Variants in STAT4 observed in about 807,000 individuals in gnomAD.
The protein encoded by STAT4 is signal transducer and activator of transcription 4.
STAT4 carries 42 observed loss-of-function variants against 110.5 expected under a neutral mutation model. The observed-to-expected ratio is 0.38, with a 90% CI of 0.30 to 0.49. The LOEUF is 0.49. Among genes scored for constraint, STAT4 ranks in the 20% least tolerant of loss-of-function variants. STAT4 has a pLI of 0.95. For missense variants in STAT4, 632 were observed against 887.9 expected (o/e 0.71, Z 3.66); for synonymous variants, 284 against 302.2 (o/e 0.94, Z 0.63).
rs1202503772 is a variant in STAT4 at position 191,107,743 on chromosome 2, A to G, written c.274-31418T>C. Among the ~76,000 whole-genome samples, 1 of 152,220 alleles carries G rather than the reference A, an allele frequency of 6.6e-6. No individual in the cohort carries two copies. The highest frequency in any genetic ancestry group is 1.5e-5 in the Non-Finnish European group (1 of 68,038). On this transcript the variant is annotated intron_variant, in intron 3 of 23. Coordinates refer to ENST00000392320, the MANE Select transcript of STAT4 (RefSeq NM_003151.4). This position sits in a 1 kb window ranked among gnomAD's most constrained non-coding sequence, Gnocchi z 4.2. ...ATTCAGGACATAATTTATTTTTTCAACCCAGATTACTACCATACCTTCCTG... is the reference window on the plus strand; with the variant it reads ...ATTCAGGACATAATTTATTTTTTCAGCCCAGATTACTACCATACCTTCCTG...
Position 191,069,558 on chromosome 2 carries a change from C to T in STAT4, c.544+135G>A, listed in dbSNP as rs933665547. On this transcript the variant is annotated intron_variant, in intron 6 of 23. Coordinates refer to ENST00000392320, the MANE Select transcript of STAT4 (RefSeq NM_003151.4). Reference sequence around the variant, plus strand: ...ATGCAGAGATAAGGAAGAAGCAAAACAAGAAAATACTCCCTGTATTTCCCT... The same window carrying T: ...ATGCAGAGATAAGGAAGAAGCAAAATAAGAAAATACTCCCTGTATTTCCCT... 5.9e-6 allele frequency: 4 copies of T among 682,556 alleles called. No homozygotes were observed. The African/African-American group carries it at 7.3e-5, about 13-fold the overall frequency. 42.3% of individuals were successfully genotyped at this position (682,556 alleles called of 1,614,324 possible).
chr2:191,069,664 G>A, intron 6 of STAT4, 29 bp downstream of exon 6: 1 of 1,549,866 alleles, frequency 6.5e-7, no homozygotes, highest in Non-Finnish European at 8.9e-7. Context: ...TTGTCTCTAT[G>A]CATAATTATA....
intron 3 of STAT4, among the ~76,000 whole-genome samples, chr2:191,111,631 T>C (rs1238077584): frequency 6.6e-6 from 1 of 152,192 alleles, no homozygotes; most frequent in Non-Finnish European, 1.5e-5. Flanking sequence ...GGCATGAAGA[T>C]CTTTTGAAGC....
chr2:191,141,452 CATATATACATAT>C (rs1699324389), intron 3 of STAT4, among the ~76,000 whole-genome samples: 1 of 28,404 alleles, frequency 3.5e-5, no homozygotes, highest in Non-Finnish European at 7.5e-5. Context: ...ATGTATATCA[CATATATACATAT>C]GTATATCACA....
chr2:191,130,221 T>G (rs901072684), intron 3 of STAT4, among the ~76,000 whole-genome samples: 2 of 16,674 alleles, frequency 1.2e-4, no homozygotes, highest in African/African-American at 1.8e-4. Context: ...TCTATCTCCC[T>G]TTTTTTTTTT....
At position 191,148,090 on chromosome 2, in the gene STAT4, A is replaced by G. The variant is rs35500382; in HGVS notation, c.114T>C (p.Ile38=). The part of the protein sequence containing the change: ...MEIRHLLAQW[I]ENQDWEAASN... ...TTTGATCCTACCAGTCTTGATTTTC[A>G]ATCCATTGGGCCAACAGATGCCGAA... is the stretch of plus-strand genomic sequence containing the variant. The change falls in exon 2 of 24, where the codon ATT becomes ATC. Residue 38 remains isoleucine, a synonymous_variant. Coordinates refer to ENST00000392320, the MANE Select transcript of STAT4 (RefSeq NM_003151.4). The G allele has an allele frequency of 5.7e-4, 913 of 1,613,826 alleles. 4 individuals carry two copies. In the African/African-American group the frequency reaches 0.011, roughly 19 times the overall value.
Position 191,064,949 on chromosome 2 carries a change from T to C in STAT4, c.640A>G (p.Ser214Gly), listed in dbSNP as rs145218540. The C allele has an allele frequency of 5.6e-6, 9 of 1,601,084 alleles. No individual in the cohort carries two copies. Among genetic ancestry groups the C allele is most frequent in the Non-Finnish European group, 7.7e-6 (9 of 1,174,686 alleles). ...SLDFKRKEALSKMTQIIHETD... is the reference protein window; with the variant it reads ...SLDFKRKEALGKMTQIIHETD... ...TCATGGATGATTTGGGTCATTTTAC[T>C]GAGAGCCTCCTAAAAACAAAGGGGA... Residue 214 changes from serine (S) to glycine (G), a missense_variant, in exon 8 of 24, where the codon AGT becomes GGT. Physicochemically the swap from Ser to Gly is moderately conservative, Grantham distance 56. Coordinates refer to ENST00000392320, the MANE Select transcript of STAT4 (RefSeq NM_003151.4).
At position 191,066,050 on chromosome 2, in the gene STAT4, A is replaced by C. The variant is rs1464817904; in HGVS notation, c.630+380T>G. On this transcript the variant is annotated intron_variant, in intron 7 of 23. Coordinates refer to ENST00000392320, the MANE Select transcript of STAT4 (RefSeq NM_003151.4). This position sits in a 1 kb window ranked among gnomAD's most constrained non-coding sequence, Gnocchi z 4.3. ...ACTAGAACACTTATTTTTCCAATAAAATTTTAGTAGTCATCAAATACTATA... is the reference window on the plus strand; with the variant it reads ...ACTAGAACACTTATTTTTCCAATAACATTTTAGTAGTCATCAAATACTATA... 6.6e-6 allele frequency among the ~76,000 whole-genome samples: 1 copy of C among 152,188 alleles called. No individual in the cohort carries two copies. The highest frequency in any genetic ancestry group is 1.9e-4 in the East Asian group (1 of 5,206).
In STAT4 at chr2:191,090,523, T is replaced by C. The variant is rs907592275; in HGVS notation, c.274-14198A>G. Among the ~76,000 whole-genome samples, 2 of 152,056 alleles carry C rather than the reference T, an allele frequency of 1.3e-5. No individual in the cohort carries two copies. Among genetic ancestry groups the C allele is most frequent in the Non-Finnish European group, 2.9e-5 (2 of 68,008 alleles). On this transcript the variant is annotated intron_variant, in intron 3 of 23. Coordinates refer to ENST00000392320, the MANE Select transcript of STAT4 (RefSeq NM_003151.4). This position sits in a 1 kb window ranked among gnomAD's most constrained non-coding sequence, Gnocchi z 4.2. ...GCTAAAAATTAGCTGCAGGTATATA[T>C]AGCTTGTCTTACCTTATTTATTTAT...
chr2:191,151,403 G>A (rs970472970), upstream of STAT4: 12 of 985,496 alleles, frequency 1.2e-5, no homozygotes, highest in Non-Finnish European at 1.2e-5. This position sits in a 1 kb window ranked among gnomAD's most constrained non-coding sequence, Gnocchi z 4.7. Flanking sequence ...AACCACCCCT[G>A]GGATGGAAGG....
rs1029115607 is a variant in STAT4, at chr2:191,099,835, T to C, written c.274-23510A>G. ...TGTAATTAAAAAGCTACATGTATATTATGATCTACTTTATGGAAAATTACA... is the reference window on the plus strand; with the variant it reads ...TGTAATTAAAAAGCTACATGTATATCATGATCTACTTTATGGAAAATTACA... On this transcript the variant is annotated intron_variant, in intron 3 of 23. Coordinates refer to ENST00000392320, the MANE Select transcript of STAT4 (RefSeq NM_003151.4). This position sits in a 1 kb window ranked among gnomAD's most constrained non-coding sequence, Gnocchi z 4.1. Among the ~76,000 whole-genome samples, 5 of 152,170 alleles carry C rather than the reference T, an allele frequency of 3.3e-5. No individual in the cohort carries two copies. The highest frequency in any genetic ancestry group is 2.0e-4 in the Admixed American group (3 of 15,264).
At position 191,142,689 on chromosome 2, in the gene STAT4, T is replaced by C. The variant is rs1274419432; in HGVS notation, c.273+3924A>G. Among the ~76,000 whole-genome samples, 1 of 152,164 alleles carries C rather than the reference T, an allele frequency of 6.6e-6. No individual in the cohort carries two copies. The highest frequency in any genetic ancestry group is 1.9e-4 in the East Asian group (1 of 5,196). ...CCTGACTTAATCATTACACATTCTATGCATGGAATAAAATATTTCATGTAC... is the reference window on the plus strand; with the variant it reads ...CCTGACTTAATCATTACACATTCTACGCATGGAATAAAATATTTCATGTAC... On this transcript the variant is annotated intron_variant, in intron 3 of 23. Transcript: ENST00000392320. The surrounding 1 kb of genome is among the most constrained non-coding windows in gnomAD (Gnocchi z 4.1).
At position 191,090,256 on chromosome 2, in the gene STAT4, T is replaced by C. The variant is rs1206783804; in HGVS notation, c.274-13931A>G. ...ACAAATCCTTTTTATTTTCTGAAAT[T>C]GTCTTACTAAAAAGTTTCAGTTCTC... On this transcript the variant is annotated intron_variant, in intron 3 of 23. Coordinates refer to ENST00000392320, the MANE Select transcript of STAT4 (RefSeq NM_003151.4). The surrounding 1 kb of genome is among the most constrained non-coding windows in gnomAD (Gnocchi z 4.2). Among the ~76,000 whole-genome samples the C allele has an allele frequency of 6.6e-6, 1 of 152,072 alleles. No homozygotes were observed. Among genetic ancestry groups the C allele is most frequent in the Non-Finnish European group, 1.5e-5 (1 of 67,992 alleles).
In STAT4 at chr2:191,104,116, C is replaced by T. The variant is rs1445226459; in HGVS notation, c.274-27791G>A. Among the ~76,000 whole-genome samples the T allele has an allele frequency of 6.6e-6, 1 of 152,008 alleles. No homozygotes were observed. Among genetic ancestry groups the T allele is most frequent in the Non-Finnish European group, 1.5e-5 (1 of 67,976 alleles). Reference sequence around the variant, plus strand: ...ATCCCCGTTTTGTGAAAAAATATATCTATTCATCTCTAATACTTTTAAAAA... The same window carrying T: ...ATCCCCGTTTTGTGAAAAAATATATTTATTCATCTCTAATACTTTTAAAAA... On this transcript the variant is annotated intron_variant, in intron 3 of 23. Coordinates refer to ENST00000392320, the MANE Select transcript of STAT4 (RefSeq NM_003151.4). This position sits in a 1 kb window ranked among gnomAD's most constrained non-coding sequence, Gnocchi z 4.3.
Position 191,034,537 on chromosome 2 carries a change from A to G in STAT4, c.1620+11T>C. The G allele has an allele frequency of 6.2e-7, 1 of 1,607,702 alleles. No individual in the cohort carries two copies. On this transcript the variant is annotated intron_variant, in intron 18 of 23. Coordinates refer to ENST00000392320, the MANE Select transcript of STAT4 (RefSeq NM_003151.4). Reference sequence around the variant, plus strand: ...AATGTATCTAAATGATGTTTCCCCGACCGTTTGTACCTTGCAGAACTTGGC... The same window carrying G: ...AATGTATCTAAATGATGTTTCCCCGGCCGTTTGTACCTTGCAGAACTTGGC...
At position 191,051,840 on chromosome 2, in the gene STAT4, C is replaced by T. The variant is rs1258958932; in HGVS notation, c.1251+2650G>A. Among the ~76,000 whole-genome samples the T allele has an allele frequency of 1.3e-5, 2 of 152,214 alleles. No homozygotes were observed. Among genetic ancestry groups the T allele is most frequent in the Non-Finnish European group, 2.9e-5 (2 of 68,030 alleles). On this transcript the variant is annotated intron_variant, in intron 14 of 23. Transcript: ENST00000392320. This position sits in a 1 kb window ranked among gnomAD's most constrained non-coding sequence, Gnocchi z 5.6. ...CCCTGCCATCAACTGCCCCCACTAT[C>T]TTGAGTAAGCTGTGTGACCACTCTG...
intron 14 of STAT4, among the ~76,000 whole-genome samples, chr2:191,045,714 C>T (rs1197892436): frequency 6.6e-6 from 1 of 152,062 alleles, no homozygotes; most frequent in African/African-American, 2.4e-5. Context: ...AATGAGAATG[C>T]TACATTTAAG....
chr2:191,088,878 T>C (rs1191880681), intron 3 of STAT4, among the ~76,000 whole-genome samples: 2 of 152,186 alleles, frequency 1.3e-5, no homozygotes, highest in African/African-American at 4.8e-5. Context: ...TTCAGCTGGA[T>C]ATGCAAAAAG....
Position 191,043,603 on chromosome 2 carries a change from G to T in STAT4, c.1252-2455C>A, listed in dbSNP as rs1278461569. 6.6e-6 allele frequency among the ~76,000 whole-genome samples: 1 copy of T among 151,744 alleles called. No individual in the cohort carries two copies. On this transcript the variant is annotated intron_variant, in intron 14 of 23. Transcript: ENST00000392320. This position sits in a 1 kb window ranked among gnomAD's most constrained non-coding sequence, Gnocchi z 4.8. ...TGCTACCAAATATATATAGGTCAAA[G>T]ATTTTTTGCACTCATTAAAAAAAAA...
Sources: gnomAD v4.1 joint callset for allele counts (sites outside exome capture counted in the v4.1 genomes callset) on GRCh38, gnomAD v4.1.1 for gene constraint, Gnocchi (gnomAD v3.1) non-coding constraint, MANE v1.5 for transcripts, NCBI Gene and HGNC (gene_info 2026-07-23, HGNC 2026-07-21) for gene names.